Variants in RNF10 observed in about 807,000 individuals in gnomAD.
The protein encoded by RNF10 is ring finger protein 10.
In RNF10, 38 loss-of-function variants were observed where a neutral mutation model predicts 91.4. That is an observed-to-expected ratio of 0.42 (90% CI 0.32 to 0.54). RNF10 has a LOEUF of 0.54. Among genes scored for constraint, RNF10 ranks in the 20% least tolerant of loss-of-function variants. The probability of loss-of-function intolerance (pLI) is 0.16; values close to 1 mark genes in which losing one functional copy is unlikely to be tolerated. For missense variants in RNF10, 945 were observed against 1,012.0 expected (o/e 0.93, Z 0.90); for synonymous variants, 364 against 366.3 (o/e 0.99, Z 0.07).
intron 12 of RNF10, 26 bp downstream of exon 12, chr12:120,565,555 A>G (rs368266319): frequency 3.2e-6 from 5 of 1,583,332 alleles, no homozygotes; most frequent in Non-Finnish European, 3.5e-6. Context: ...TTCATCTTTG[A>G]CTAGCACTGC....
intron 6 of RNF10, among the ~76,000 whole-genome samples, chr12:120,558,071 G>A (rs1409035070): frequency 6.6e-6 from 1 of 152,130 alleles, no homozygotes; most frequent in African/African-American, 2.4e-5. Flanking sequence ...TGCCAGAGAT[G>A]TATTCCCTGT....
chr12:120,565,093 T>TA lies in RNF10; in HGVS notation c.1688dup (p.Tyr563Ter), dbSNP rs1875488696. The change falls in exon 11 of 17, where the codon TAT (tyrosine) becomes TAAT (stop). Residue 563 changes from tyrosine (Y) to a stop codon, truncating the protein, a stop_gained and frameshift_variant. Transcript: ENST00000325954. LOFTEE classifies it high-confidence loss of function. ...MSEDVRQRHR[Y>*]LSHLPLTCEF... ...GTAGGATGTTCGACAGCGTCACAGA[T>TA]ATCTCTCTCACTTGCCACTCACCTG... 6.2e-7 allele frequency: 1 copy of TA among 1,613,650 alleles called. No individual in the cohort carries two copies. Among genetic ancestry groups the TA allele is most frequent in the African/African-American group, 1.3e-5 (1 of 74,946 alleles).
At chr12:120,537,560 G>A (rs1270093560) in intron 1 of RNF10, among the ~76,000 whole-genome samples, 1 of 152,092 alleles carries the variant, frequency 6.6e-6, no homozygotes, top group Non-Finnish European at 1.5e-5. Flanking sequence ...ACCGGGAGGC[G>A]GAGGTTGCAG....
intron 6 of RNF10, among the ~76,000 whole-genome samples, chr12:120,559,552 T>G (rs137974756): frequency 0.045 from 6,900 of 151,802 alleles, 263 homozygotes; most frequent in South Asian, 0.1. Flanking sequence ...ACCTGGCTAG[T>G]TTTTGTATTT....
chr12:120,534,850 C>T lies in RNF10; in HGVS notation c.39C>T (p.Ser13=). 2 of 1,606,280 alleles carry T rather than the reference C, an allele frequency of 1.2e-6. No individual in the cohort carries two copies. Among genetic ancestry groups the T allele is most frequent in the Non-Finnish European group, 8.5e-7 (1 of 1,179,150 alleles). The change falls in exon 1 of 17, where the codon TCC becomes TCT. Residue 13 remains serine (S), a synonymous_variant. Transcript: ENST00000325954. The stretch of plus-strand genomic sequence containing the variant: ...CCCCCAACGCCGCCGCCACCGCCTC[C>T]GACATGGACAAGAACAGCGGCTCCA... ...LSSPNAAATA[S]DMDKNSGSNS...
intron 12 of RNF10, 143 bp downstream of exon 12, chr12:120,565,672 G>C: frequency 1.5e-6 from 1 of 668,808 alleles, no homozygotes; most frequent in South Asian, 1.8e-5. Context: ...TCCTTAATAG[G>C]CTTGCTTGCA....
chr12:120,560,919 T>C, intron 7 of RNF10, 33 bp downstream of exon 7: 2 of 1,600,708 alleles, frequency 1.2e-6, no homozygotes, highest in South Asian at 2.2e-5. Context: ...CTAAACCTTT[T>C]CACTTTCTCG....
chr12:120,548,089 C>T (rs1264165267), intron 2 of RNF10, among the ~76,000 whole-genome samples: 2 of 152,098 alleles, frequency 1.3e-5, no homozygotes, highest in African/African-American at 2.4e-5. Context: ...GAATGGAGAA[C>T]ATTCTTTCAA....
intron 7 of RNF10, among the ~76,000 whole-genome samples, chr12:120,561,315 A>T (rs1874811812): frequency 6.6e-6 from 1 of 152,218 alleles, no homozygotes; most frequent in Admixed American, 6.5e-5. Context: ...CCTTAGGAGT[A>T]CCTGAAACGG....
chr12:120,563,244 A>C, intron 8 of RNF10, 103 bp from the exon 9 acceptor site: 3 of 1,486,786 alleles, frequency 2.0e-6, no homozygotes, highest in Non-Finnish European at 2.7e-6. Context: ...CACGACAGCT[A>C]AGATAAACAT....
chr12:120,557,317 A>G lies in RNF10; in HGVS notation c.681A>G (p.Ile227Met), dbSNP rs1874193343. Residue 227 changes from isoleucine (I) to methionine (M), a missense_variant, in exon 5 of 17, where the codon ATA becomes ATG. Transcript: ENST00000325954. ...GCCATGAAGTGCCATCTTGCCCAAT[A>G]TGCCTCTATCCACCTACTGCAGCCA... ...ICSHEVPSCPICLYPPTAAKI... is the reference protein window; with the variant it reads ...ICSHEVPSCPMCLYPPTAAKI... 6.2e-7 allele frequency: 1 copy of G among 1,614,072 alleles called. No homozygotes were observed. Among genetic ancestry groups the G allele is most frequent in the East Asian group, 2.2e-5 (1 of 44,878 alleles).
chr12:120,572,559 G>A (rs1434787232), intron 14 of RNF10, among the ~76,000 whole-genome samples: 1 of 152,092 alleles, frequency 6.6e-6, no homozygotes, highest in Non-Finnish European at 1.5e-5. Context: ...TGATTAACAA[G>A]TGGCTCCCAG....
chr12:120,567,496 T>A (rs149995353), intron 13 of RNF10, among the ~76,000 whole-genome samples: 2,082 of 151,804 alleles, frequency 0.014, 52 homozygotes, highest in South Asian at 0.066. Context: ...AGGTCAGGAA[T>A]TCAAGACCAG....
intron 1 of RNF10, among the ~76,000 whole-genome samples, chr12:120,536,577 TCAGGAAATGGCATGTATG>T (rs1870841821): frequency 6.6e-6 from 1 of 152,184 alleles, no homozygotes; most frequent in Non-Finnish European, 1.5e-5. Context: ...TCGGGCCGTG[TCAGGAAATGGCATGTATG>T]CAGACTGATT....
intron 9 of RNF10, 87 bp from the exon 10 acceptor site, chr12:120,563,723 T>TGGGGAGGGGTGGGGAG: frequency 6.4e-7 from 1 of 1,573,934 alleles, no homozygotes; most frequent in Non-Finnish European, 8.6e-7. Flanking sequence ...GTGGCTTGGG[T>TGGGGAGGGGTGGGGAG]GGCTTGAGCC....
At chr12:120,544,966 A>G (rs953952018) in intron 1 of RNF10, among the ~76,000 whole-genome samples, 17 of 152,340 alleles carry the variant, frequency 1.1e-4, no homozygotes, top group African/African-American at 4.1e-4. Context: ...AAGACTAGGG[A>G]TGCATAAAAA....
At chr12:120,550,082 G>A (rs958934472) in intron 2 of RNF10, among the ~76,000 whole-genome samples, 8 of 152,140 alleles carry the variant, frequency 5.3e-5, no homozygotes, top group Non-Finnish European at 1.0e-4. Flanking sequence ...AGCTGCCTGC[G>A]CTAGAGAAGT....
intron 14 of RNF10, among the ~76,000 whole-genome samples, chr12:120,574,273 AG>A (rs1171122140): frequency 2.2e-4 from 33 of 152,362 alleles, no homozygotes; most frequent in African/African-American, 6.5e-4. Context: ...TTTAAGGACA[AG>A]GCATCCCTGC....
Position 120,534,606 on chromosome 12 carries a change from G to A in RNF10, c.-206G>A, listed in dbSNP as rs1373014486. On this transcript the variant is annotated 5_prime_UTR_variant, in exon 1 of 17. Coordinates refer to ENST00000325954, the MANE Select transcript of RNF10 (RefSeq NM_014868.5). ...CCCGAGCCCCGGCCTCCTCGTCCTCGGTCGCCGCTGCCGCCGGGCTTAACA... is the reference window on the plus strand; with the variant it reads ...CCCGAGCCCCGGCCTCCTCGTCCTCAGTCGCCGCTGCCGCCGGGCTTAACA... The A allele has an allele frequency of 8.1e-7, 1 of 1,236,338 alleles. No individual in the cohort carries two copies. The highest frequency in any genetic ancestry group is 1.6e-5 in the African/African-American group (1 of 62,650). The allele number at this position is 1,236,338 out of a possible 1,614,324, so 76.6% of individuals were successfully genotyped here.
Sources: gnomAD v4.1 joint callset for allele counts (sites outside exome capture counted in the v4.1 genomes callset) on GRCh38, gnomAD v4.1.1 for gene constraint, MANE v1.5 for transcripts, NCBI Gene and HGNC (gene_info 2026-07-23, HGNC 2026-07-21) for gene names.